IQCH: variants seen among roughly 807,000 people sequenced by gnomAD.
IQCH encodes IQ motif containing H.
In IQCH, 98 loss-of-function variants were observed where a neutral mutation model predicts 117.0. The ratio of observed to expected loss-of-function variants is 0.84; its 90% CI spans 0.71 to 0.99. IQCH has a LOEUF of 0.99. IQCH is among the 50% of genes least tolerant of loss of function. IQCH has a pLI of 0.00. For synonymous variants in IQCH, 412 were observed against 448.2 expected (o/e 0.92, Z 1.02); for missense variants, 1,102 against 1,243.8 (o/e 0.89, Z 1.72).
chr15:67,440,097 A>G (rs28781656), intron 16 of IQCH, among the ~76,000 whole-genome samples: 150,976 of 152,176 alleles, frequency 0.99, 74,901 homozygotes, highest in East Asian at 1. Flanking sequence ...CCACCTTTAC[A>G]CACATAAACT....
At chr15:67,311,352 T>G (rs1967586781) in intron 4 of IQCH, among the ~76,000 whole-genome samples, 1 of 152,008 alleles carries the variant, frequency 6.6e-6, no homozygotes, top group African/African-American at 2.4e-5. Flanking sequence ...TGTTAGCTAT[T>G]TGAAATTACT....
In IQCH at chr15:67,465,071, C is replaced by A. The variant is rs2082896084; in HGVS notation, c.2506-56C>A. On this transcript the variant is annotated intron_variant, in intron 16 of 20. Transcript: ENST00000335894. The surrounding 1 kb of genome is among the most constrained non-coding windows in gnomAD (Gnocchi z 5.9). The stretch of plus-strand genomic sequence containing the variant: ...TTGGTCTGGTTAGGCAGAGGTGGGG[C>A]CTTCGCTGCTGTTTGCTGATTTCAC... The A allele has an allele frequency of 1.3e-6, 2 of 1,564,238 alleles. No homozygotes were observed. The highest frequency in any genetic ancestry group is 2.2e-5 in the East Asian group (1 of 44,530).
At position 67,443,150 on chromosome 15, in the gene IQCH, G is replaced by T. The variant is rs143073716; in HGVS notation, c.2505+21573G>T. Reference sequence around the variant, plus strand: ...TGGGACTACAGGCGCCCGCCACAGCGCCCGGCTAATTTTTTGTATTTTTAG... The same window carrying T: ...TGGGACTACAGGCGCCCGCCACAGCTCCCGGCTAATTTTTTGTATTTTTAG... On this transcript the variant is annotated intron_variant, in intron 16 of 20. Coordinates refer to ENST00000335894, the MANE Select transcript of IQCH (RefSeq NM_001031715.3). The surrounding 1 kb of genome is among the most constrained non-coding windows in gnomAD (Gnocchi z 5.0). Among the ~76,000 whole-genome samples the T allele has an allele frequency of 0.13, 19,641 of 151,896 alleles. 1,342 individuals are homozygous for T. The highest frequency in any genetic ancestry group is 0.2 in the East Asian group (1,037 of 5,162).
At chr15:67,328,077 A>G (rs1449238054) in intron 4 of IQCH, among the ~76,000 whole-genome samples, 2 of 152,102 alleles carry the variant, frequency 1.3e-5, no homozygotes, top group Admixed American at 1.3e-4. Flanking sequence ...AAGATCAGCT[A>G]CCCTCTAGCT....
At chr15:67,279,268 T>C in intron 3 of IQCH, 127 bp from the exon 4 acceptor site, 2 of 600,326 alleles carry the variant, frequency 3.3e-6, no homozygotes, top group South Asian at 2.1e-5. Context: ...GTTTAATTTA[T>C]TGTAATTACC....
rs191047040 is a variant in IQCH, at chr15:67,360,249, G to T, written c.753+364G>T. ...TAAAATGTGAAAAATAAATGCGGTT[G>T]TCCCCCAGCACGTGCTTATATGTGT... On this transcript the variant is annotated intron_variant, in intron 8 of 20. Transcript: ENST00000335894. Among the ~76,000 whole-genome samples, 259 of 152,220 alleles carry T rather than the reference G, an allele frequency of 1.7e-3. 1 individual carries two copies. The highest frequency in any genetic ancestry group is 2.5e-3 in the Non-Finnish European group (172 of 68,020).
intron 16 of IQCH, among the ~76,000 whole-genome samples, chr15:67,461,732 A>G (rs1431193779): frequency 6.6e-6 from 1 of 152,222 alleles, no homozygotes; most frequent in Non-Finnish European, 1.5e-5. Flanking sequence ...GCAAACTATG[A>G]GGCTGCTTTT....
chr15:67,415,408 G>T (rs994742804), intron 14 of IQCH, among the ~76,000 whole-genome samples: 2 of 152,086 alleles, frequency 1.3e-5, no homozygotes, highest in African/African-American at 2.4e-5. Flanking sequence ...GGCACTCTCC[G>T]CTTCTCAGGG....
intron 16 of IQCH, among the ~76,000 whole-genome samples, chr15:67,451,014 G>T (rs1383894838): frequency 6.6e-6 from 1 of 152,170 alleles, no homozygotes; most frequent in Non-Finnish European, 1.5e-5. Flanking sequence ...TTTGTGTAGA[G>T]GTGTTTATAG....
Position 67,294,842 on chromosome 15 carries a change from C to A in IQCH, c.387+15330C>A, listed in dbSNP as rs369573992. Among the ~76,000 whole-genome samples, 14 of 152,322 alleles carry A rather than the reference C, an allele frequency of 9.2e-5. No homozygotes were observed. The East Asian group carries it at 1.2e-3, about 13-fold the overall frequency. Reference sequence around the variant, plus strand: ...GTTCAGCACCATGGTCTCTTTCTTGCAAACATCCTTATCCATCTTCCCCTC... The same window carrying A: ...GTTCAGCACCATGGTCTCTTTCTTGAAAACATCCTTATCCATCTTCCCCTC... On this transcript the variant is annotated intron_variant, in intron 4 of 20. Coordinates refer to ENST00000335894, the MANE Select transcript of IQCH (RefSeq NM_001031715.3).
At position 67,373,446 on chromosome 15, in the gene IQCH, T is replaced by G; in HGVS notation, c.1372+13T>G. The stretch of plus-strand genomic sequence containing the variant: ...ATCCCATCATTAGGTATAACACTTT[T>G]GCCTGCAAATCTATCAGCAACCTCT... On this transcript the variant is annotated intron_variant, in intron 10 of 20. Coordinates refer to ENST00000335894, the MANE Select transcript of IQCH (RefSeq NM_001031715.3). 3 of 1,568,764 alleles carry G rather than the reference T, an allele frequency of 1.9e-6. No homozygotes were observed. Among genetic ancestry groups the G allele is most frequent in the Non-Finnish European group, 1.8e-6 (2 of 1,138,980 alleles).
intron 4 of IQCH, among the ~76,000 whole-genome samples, chr15:67,329,459 T>C (rs992229901): frequency 6.6e-6 from 1 of 152,072 alleles, no homozygotes; most frequent in African/African-American, 2.4e-5. Context: ...TTATGTAAAA[T>C]AGGATTTTAT....
intron 8 of IQCH, among the ~76,000 whole-genome samples, chr15:67,363,235 A>T (rs375468552): frequency 3.0e-5 from 4 of 133,544 alleles, no homozygotes; most frequent in African/African-American, 8.4e-5. Flanking sequence ...ACAAATCTTG[A>T]TTTTTTTTTT....
In IQCH at chr15:67,441,122, C is replaced by CAAA. The variant is rs200254535; in HGVS notation, c.2505+19574_2505+19576dup. On this transcript the variant is annotated intron_variant, in intron 16 of 20. Transcript: ENST00000335894. Reference sequence around the variant, plus strand: ...AACTCAACTCCTTTTGCAATAGCTGCAAAAAAAAAAAAAAAAAAAAAAAAA... The same window carrying CAAA: ...AACTCAACTCCTTTTGCAATAGCTGCAAAAAAAAAAAAAAAAAAAAAAAAAAAA... Among the ~76,000 whole-genome samples the CAAA allele has an allele frequency of 6.9e-3, 370 of 53,908 alleles. 44 individuals are homozygous for CAAA. Among genetic ancestry groups the CAAA allele is most frequent in the African/African-American group, 0.015 (206 of 14,052 alleles). 35.4% of individuals were successfully genotyped at this position (53,908 alleles called of 152,430 possible). A position where few individuals can be genotyped will look rare whatever the true frequency, so the allele number is the denominator to read the frequency against.
intron 8 of IQCH, chr15:67,360,159 G>A: frequency 2.6e-6 from 1 of 379,808 alleles, no homozygotes; most frequent in South Asian, 6.9e-5. Context: ...AAATTTGGCT[G>A]AATCACATCA....
chr15:67,362,498 T>C (rs1970178165), intron 8 of IQCH, among the ~76,000 whole-genome samples: 1 of 152,268 alleles, frequency 6.6e-6, no homozygotes, highest in Non-Finnish European at 1.5e-5. Context: ...CTTCTGATCC[T>C]GTCATTTAGA....
chr15:67,367,524 G>A (rs2140772618), intron 8 of IQCH, among the ~76,000 whole-genome samples: 1 of 152,246 alleles, frequency 6.6e-6, no homozygotes. Flanking sequence ...GGATGACAGA[G>A]GGAGACCCTG....
At chr15:67,338,205 G>GTCTA (rs10528833) in intron 5 of IQCH, among the ~76,000 whole-genome samples, 28,767 of 105,480 alleles carry the variant, frequency 0.27, 2,718 homozygotes, top group South Asian at 0.28. Context: ...ATATCTGTCT[G>GTCTA]TCTATCTATC....
chr15:67,465,395 A>G lies in IQCH; in HGVS notation c.2676+98A>G. ...GGAGCCAGGATCTTTGAGTACAGGA[A>G]GAAGAAAGAGCCTAAGGCAAGTCAT... On this transcript the variant is annotated intron_variant, in intron 17 of 20. Coordinates refer to ENST00000335894, the MANE Select transcript of IQCH (RefSeq NM_001031715.3). This position sits in a 1 kb window ranked among gnomAD's most constrained non-coding sequence, Gnocchi z 5.9. 7.8e-7 allele frequency: 1 copy of G among 1,282,130 alleles called. No homozygotes were observed. Among genetic ancestry groups the G allele is most frequent in the Non-Finnish European group, 1.1e-6 (1 of 922,938 alleles). The allele number at this position is 1,282,130 out of a possible 1,614,324, so 79.4% of individuals were successfully genotyped here. A position where few individuals can be genotyped will look rare whatever the true frequency, so the allele number is the denominator to read the frequency against.
Sources: allele counts gnomAD v4.1 joint callset (sites outside exome capture counted in the v4.1 genomes callset), GRCh38; gene constraint gnomAD v4.1.1; non-coding constraint Gnocchi (gnomAD v3.1); transcripts MANE v1.5; gene names NCBI Gene and HGNC (gene_info 2026-07-23, HGNC 2026-07-21).